The following GRM7 variants were observed in gnomAD, a reference collection of about 807,000 sequenced individuals.
The protein encoded by GRM7 is metabotropic glutamate receptor 7.
In GRM7, 35 loss-of-function variants were observed where a neutral mutation model predicts 84.5. The ratio of observed to expected loss-of-function variants is 0.41; its 90% CI spans 0.32 to 0.55. The LOEUF is 0.55. GRM7 is among the 20% of genes least tolerant of loss of function. GRM7 has a pLI of 0.19. For missense variants in GRM7, 1,003 were observed against 1,194.6 expected (o/e 0.84, Z 2.36); for synonymous variants, 487 against 455.1 (o/e 1.07, Z -0.89).
chr3:7,080,702 A>G (rs186615473), intron 1 of GRM7, among the ~76,000 whole-genome samples: 118 of 152,002 alleles, frequency 7.8e-4, no homozygotes, highest in African/African-American at 2.7e-3. Flanking sequence ...ATATATACAA[A>G]CTACGTATTT....
intron 4 of GRM7, among the ~76,000 whole-genome samples, chr3:7,391,244 G>A (rs1694980614): frequency 6.6e-6 from 1 of 152,110 alleles, no homozygotes; most frequent in South Asian, 2.1e-4. Context: ...CCAGTAGATG[G>A]CACTTAGGAG....
chr3:7,172,665 A>T (rs549984056), intron 2 of GRM7, among the ~76,000 whole-genome samples: 2 of 152,006 alleles, frequency 1.3e-5, no homozygotes, highest in Non-Finnish European at 2.9e-5. Flanking sequence ...TCCGAAAAGA[A>T]CAATTTTTGA....
chr3:7,103,056 C>A (rs762564241), intron 1 of GRM7, among the ~76,000 whole-genome samples: 4 of 151,780 alleles, frequency 2.6e-5, no homozygotes, highest in Admixed American at 6.6e-5. Context: ...CCCGTTTCCA[C>A]TGATTTTCTT....
chr3:6,995,235 G>C (rs1368779342), intron 1 of GRM7, among the ~76,000 whole-genome samples: 1 of 152,168 alleles, frequency 6.6e-6, no homozygotes, highest in Non-Finnish European at 1.5e-5. Flanking sequence ...GTAAAAGGCA[G>C]GATATTAAAT....
intron 1 of GRM7, among the ~76,000 whole-genome samples, chr3:7,107,242 G>A (rs544394850): frequency 7.1e-4 from 108 of 152,130 alleles, no homozygotes; most frequent in Admixed American, 2.0e-3. Context: ...GTTCACCTCC[G>A]GAGTATACAG....
intron 2 of GRM7, among the ~76,000 whole-genome samples, chr3:7,273,494 T>G (rs1698943403): frequency 6.6e-6 from 1 of 152,118 alleles, no homozygotes; most frequent in Non-Finnish European, 1.5e-5. Flanking sequence ...CTATCTCTAC[T>G]TGTAGTTTTA....
At chr3:7,404,508 G>A (rs1264093664) in intron 4 of GRM7, among the ~76,000 whole-genome samples, 2 of 152,186 alleles carry the variant, frequency 1.3e-5, no homozygotes, top group South Asian at 2.1e-4. Context: ...ACAGAGAAAA[G>A]AAATTCTGGT....
At chr3:7,713,214 T>C (rs1028750011) in intron 9 of GRM7, among the ~76,000 whole-genome samples, 3 of 142,766 alleles carry the variant, frequency 2.1e-5, no homozygotes, top group Non-Finnish European at 4.6e-5. Context: ...CTTGGCTCAC[T>C]GCAACCTCTG....
intron 9 of GRM7, among the ~76,000 whole-genome samples, chr3:7,730,262 T>A (rs959297860): frequency 6.6e-6 from 1 of 152,296 alleles, no homozygotes; most frequent in East Asian, 1.9e-4. Flanking sequence ...CACCTTGGCC[T>A]CCCAAAGTGC....
At chr3:7,101,983 C>A (rs1252005246) in intron 1 of GRM7, among the ~76,000 whole-genome samples, 1 of 151,142 alleles carries the variant, frequency 6.6e-6, no homozygotes, top group Non-Finnish European at 1.5e-5. Context: ...TTAATTTATT[C>A]CTGTCCTTTG....
At chr3:7,593,626 CA>C (rs1427560556) in intron 8 of GRM7, among the ~76,000 whole-genome samples, 1 of 151,986 alleles carries the variant, frequency 6.6e-6, no homozygotes, top group African/African-American at 2.4e-5. Context: ...AAAGGAAAAG[CA>C]AGGGAAAAGG....
intron 2 of GRM7, among the ~76,000 whole-genome samples, chr3:7,214,549 T>C (rs1010937942): frequency 6.6e-6 from 1 of 152,212 alleles, no homozygotes; most frequent in Non-Finnish European, 1.5e-5. Flanking sequence ...GGCATATAAA[T>C]GTTTGTTGAA....
At chr3:7,032,449 G>A (rs1293887689) in intron 1 of GRM7, among the ~76,000 whole-genome samples, 1 of 152,140 alleles carries the variant, frequency 6.6e-6, no homozygotes, top group East Asian at 1.9e-4. Context: ...CCTAATACGT[G>A]TTCAAAAAAT....
intron 1 of GRM7, among the ~76,000 whole-genome samples, chr3:7,062,843 T>C (rs1404788546): frequency 6.6e-6 from 1 of 151,788 alleles, no homozygotes; most frequent in Non-Finnish European, 1.5e-5. Flanking sequence ...AGTATTTATC[T>C]TAGCTGTGCC....
At chr3:7,657,363 C>A (rs974110525) in intron 8 of GRM7, among the ~76,000 whole-genome samples, 5 of 152,138 alleles carry the variant, frequency 3.3e-5, no homozygotes, top group African/African-American at 1.2e-4. Flanking sequence ...TTATCAGATA[C>A]AAACCCTGAT....
At chr3:7,395,308 A>G (rs1559291670) in intron 4 of GRM7, among the ~76,000 whole-genome samples, 1 of 152,166 alleles carries the variant, frequency 6.6e-6, no homozygotes, top group Non-Finnish European at 1.5e-5. Context: ...CTACATTCAC[A>G]TGTATCTATG....
chr3:7,392,329 G>C (rs984787116), intron 4 of GRM7, among the ~76,000 whole-genome samples: 3 of 152,218 alleles, frequency 2.0e-5, no homozygotes, highest in Non-Finnish European at 4.4e-5. Flanking sequence ...TCCTGAGACA[G>C]GGAAGAGTCT....
intron 4 of GRM7, among the ~76,000 whole-genome samples, chr3:7,405,386 G>T (rs1695630179): frequency 6.6e-6 from 1 of 151,708 alleles, no homozygotes; most frequent in Non-Finnish European, 1.5e-5. Context: ...ACATATTTTG[G>T]GGTACATAGT....
rs367671205 is a variant in GRM7, at chr3:7,193,138, A to G, written c.736+46470A>G. On this transcript the variant is annotated intron_variant, in intron 2 of 9. Transcript: ENST00000357716. ...TATACCAGTACCTCTGGTTAGGGTC[A>G]TAGGCCTCAAATAAGATCATAGATG... Among the ~76,000 whole-genome samples the G allele has an allele frequency of 4.6e-5, 7 of 152,222 alleles. No homozygotes were observed. In the South Asian group the frequency reaches 1.0e-3, roughly 23 times the overall value.
Sources: allele counts gnomAD v4.1 joint callset (sites outside exome capture counted in the v4.1 genomes callset), GRCh38; gene constraint gnomAD v4.1.1; transcripts MANE v1.5; gene names NCBI Gene and HGNC (gene_info 2026-07-23, HGNC 2026-07-21).